DPEP2: variants seen among roughly 807,000 people sequenced by gnomAD.
DPEP2 encodes dipeptidase 2.
DPEP2 carries 45 observed loss-of-function variants against 51.8 expected under a neutral mutation model. The observed-to-expected ratio is 0.87, with a 90% CI of 0.68 to 1.11. The LOEUF (loss-of-function observed/expected upper bound fraction) is 1.11. DPEP2 is among the 50% of genes most tolerant of loss of function. The pLI is 0.00. For missense variants in DPEP2, 604 were observed against 631.9 expected (o/e 0.96, Z 0.47); for synonymous variants, 255 against 262.7 (o/e 0.97, Z 0.28).
intron 2 of DPEP2, 140 bp from the exon 3 acceptor site, chr16:67,992,776 G>A: frequency 6.7e-7 from 1 of 1,494,704 alleles, no homozygotes; most frequent in Non-Finnish European, 8.9e-7. Context: ...GCCCGGGCTA[G>A]GAGTGCCCAC....
At chr16:67,992,898 C>T in intron 2 of DPEP2, 52 bp downstream of exon 2, 1 of 1,561,166 alleles carries the variant, frequency 6.4e-7, no homozygotes, top group Non-Finnish European at 8.7e-7. Context: ...GGGACCCTCC[C>T]TTGCCCAGGA....
At chr16:67,993,747 T>A (rs541148191) in intron 1 of DPEP2, 1 of 985,896 alleles carries the variant, frequency 1.0e-6, no homozygotes, top group African/African-American at 1.7e-5. Flanking sequence ...GGGCTCTGGA[T>A]TTCCTGGTGC....
intron 2 of DPEP2, 95 bp from the exon 3 acceptor site, chr16:67,992,731 C>G (rs770417065): frequency 3.5e-4 from 546 of 1,546,520 alleles, no homozygotes; most frequent in Non-Finnish European, 4.4e-4. Flanking sequence ...ATCCCCATCC[C>G]TCATTGTCAC....
chr16:67,987,974 G>T lies in DPEP2; in HGVS notation c.1084C>A (p.Leu362Met). ...YDGAGKFPQG[L>M]EDVSTYPVLI... ...ACCGGGTATGTGGACACGTCTTCCA[G>T]CCCCTGAGGGAATCTGTGTGGCCAC... is the stretch of plus-strand genomic sequence containing the variant. Residue 362 changes from leucine to methionine, a missense_variant, in exon 10 of 11, where the codon CTG (leucine) becomes ATG (methionine). By Grantham distance (15) the Leu-to-Met change is conservative (BLOSUM62 2). Coordinates refer to ENST00000393847, the MANE Select transcript of DPEP2 (RefSeq NM_022355.4). 6.2e-7 allele frequency: 1 copy of T among 1,614,152 alleles called. No individual in the cohort carries two copies. The highest frequency in any genetic ancestry group is 2.2e-5 in the East Asian group (1 of 44,878).
chr16:67,992,906 G>C, intron 2 of DPEP2, 44 bp downstream of exon 2: 1 of 1,573,058 alleles, frequency 6.4e-7, no homozygotes, highest in Non-Finnish European at 8.6e-7. Context: ...CCCTTGCCCA[G>C]GAGTGTGCTC....
rs2031638221 is a variant in DPEP2, at chr16:67,988,096, G to T, written c.1071-109C>A. On this transcript the variant is annotated intron_variant, in intron 9 of 10. Transcript: ENST00000393847. ...GCCCTGGTCAGGTATGGGAAGTGGA[G>T]ACTTGGAGAGAGTAGGTAATTCTCC... 3.5e-6 allele frequency: 5 copies of T among 1,412,666 alleles called. No individual in the cohort carries two copies. The African/African-American group carries it at 5.7e-5, about 16-fold the overall frequency. 87.5% of individuals were successfully genotyped at this position (1,412,666 alleles called of 1,614,324 possible).
In DPEP2 at chr16:67,999,382, G is replaced by A; in HGVS notation, c.-53C>T. On this transcript the variant is annotated 5_prime_UTR_variant, in exon 1 of 11. Transcript: ENST00000393847. ...AAACTCCAGACGCGCTACCTTAAGA[G>A]CTGTAACACTCACTGCGAGGGTCTG... 3 of 570,276 alleles carry A rather than the reference G, an allele frequency of 5.3e-6. No individual in the cohort carries two copies. Among genetic ancestry groups the A allele is most frequent in the Non-Finnish European group, 6.7e-6 (3 of 449,984 alleles). The allele number at this position is 570,276 out of a possible 1,614,324, so 35.3% of individuals were successfully genotyped here. A position where few individuals can be genotyped will look rare whatever the true frequency, so the allele number is the denominator to read the frequency against.
intron 8 of DPEP2, among the ~76,000 whole-genome samples, chr16:67,989,806 G>A (rs1486991085): frequency 2.0e-5 from 3 of 152,228 alleles, no homozygotes; most frequent in Non-Finnish European, 4.4e-5. Context: ...GAGGAAGGGT[G>A]CTTTGGGGAT....
intron 1 of DPEP2, among the ~76,000 whole-genome samples, chr16:67,996,529 G>T (rs1230645753): frequency 6.6e-6 from 1 of 151,812 alleles, no homozygotes; most frequent in Non-Finnish European, 1.5e-5. Context: ...TTACAGGCAT[G>T]TGCCACCACA....
At chr16:67,999,070 A>G (rs1021965485) in intron 1 of DPEP2, among the ~76,000 whole-genome samples, 1 of 152,126 alleles carries the variant, frequency 6.6e-6, no homozygotes, top group Non-Finnish European at 1.5e-5. Context: ...GTCCCCTTCC[A>G]CACTGTGGAA....
rs1160845280 is a variant in DPEP2, at chr16:67,987,709, C to T, written c.1258G>A (p.Glu420Lys). Residue 420 changes from glutamate (E) to lysine (K), a missense_variant, in exon 11 of 11, where the codon GAG becomes AAG. Transcript: ENST00000393847. ...QSPLEDKFPD[E>K]QLSSSCHSDL... ...GAGTGGCAGGAACTGCTCAGCTGCT[C>T]ATCCGGGAACTTGTCCTCCAAGGGG... The T allele has an allele frequency of 2.5e-6, 4 of 1,614,166 alleles. No individual in the cohort carries two copies. Among genetic ancestry groups the T allele is most frequent in the East Asian group, 4.5e-5 (2 of 44,888 alleles).
chr16:67,992,945 C>T lies in DPEP2; in HGVS notation c.263+5G>A, dbSNP rs776190109. The T allele has an allele frequency of 3.7e-6, 6 of 1,608,124 alleles. No homozygotes were observed. Among genetic ancestry groups the T allele is most frequent in the East Asian group, 4.5e-5 (2 of 44,776 alleles). ...TCCCATCGCCCCCTTGCAGCAATTA[C>T]GCACCCGTCCACGAGCGGGAAGTCC... On this transcript the variant is annotated splice_donor_5th_base_variant and intron_variant, in intron 2 of 10. Transcript: ENST00000393847.
chr16:67,989,873 A>G (rs146418648), intron 8 of DPEP2, among the ~76,000 whole-genome samples, 174 bp downstream of exon 8: 4,494 of 152,294 alleles, frequency 0.03, 95 homozygotes, highest in Middle Eastern at 0.16. Context: ...TTCCTCCCTT[A>G]TACCCATCAG....
At position 67,992,967 on chromosome 16, in the gene DPEP2, G is replaced by A; in HGVS notation, c.246C>T (p.Asp82=). The change falls in exon 2 of 11, where the codon GAC becomes GAT. Residue 82 remains aspartate, a synonymous_variant. Transcript: ENST00000393847. Reference sequence around the variant, plus strand: ...TTACGCACCCGTCCACGAGCGGGAAGTCCCGCATCAGGGCCCGTGCCTGCT... The same window carrying A: ...TTACGCACCCGTCCACGAGCGGGAAATCCCGCATCAGGGCCCGTGCCTGCT... ...LQEQARALMR[D]FPLVDGHNDL... is the part of the protein sequence containing the mutation. 1 of 1,611,682 alleles carries A rather than the reference G, an allele frequency of 6.2e-7. No homozygotes were observed. Among genetic ancestry groups the A allele is most frequent in the Non-Finnish European group, 8.5e-7 (1 of 1,178,846 alleles).
At chr16:67,994,834 G>A in intron 1 of DPEP2, 1 of 985,472 alleles carries the variant, frequency 1.0e-6, no homozygotes, top group Non-Finnish European at 1.2e-6. Context: ...CTGTCCAGGA[G>A]GAAGGCAGAT....
intron 1 of DPEP2, among the ~76,000 whole-genome samples, chr16:67,997,886 C>T (rs148031202): frequency 6.6e-6 from 1 of 152,230 alleles, no homozygotes; most frequent in Non-Finnish European, 1.5e-5. Flanking sequence ...CACTTAAGGT[C>T]GGCTCTGGAG....
At chr16:67,994,967 C>A (rs2032598080) in intron 1 of DPEP2, 3 of 872,704 alleles carry the variant, frequency 3.4e-6, no homozygotes, top group Non-Finnish European at 4.1e-6. Flanking sequence ...GTGGCACAAT[C>A]TTGGCTCACT....
upstream of DPEP2, chr16:67,999,539 G>A: frequency 3.0e-6 from 3 of 985,206 alleles, no homozygotes; most frequent in Non-Finnish European, 3.6e-6. Flanking sequence ...GAGGTTAGGG[G>A]GAGGATAGGC....
chr16:67,987,798 C>T (rs140497437), intron 10 of DPEP2, 38 bp from the exon 11 acceptor site: 4 of 1,613,798 alleles, frequency 2.5e-6, no homozygotes, highest in African/African-American at 2.7e-5. Flanking sequence ...CCACAGCTCT[C>T]CTTGATACAC....
Sources: allele counts gnomAD v4.1 joint callset (sites outside exome capture counted in the v4.1 genomes callset), GRCh38; gene constraint gnomAD v4.1.1; transcripts MANE v1.5; gene names NCBI Gene and HGNC (gene_info 2026-07-23, HGNC 2026-07-21).